Variants in KCNAB1 observed in about 807,000 individuals in gnomAD.
KCNAB1 encodes voltage-gated potassium channel subunit beta-1.
A neutral mutation model predicts 64.6 loss-of-function variants in KCNAB1; 35 were observed. The observed-to-expected ratio is 0.54, with a 90% CI of 0.41 to 0.72. KCNAB1 has a LOEUF of 0.72. Among genes scored for constraint, KCNAB1 ranks in the 30% least tolerant of loss-of-function variants. The probability of loss-of-function intolerance (pLI) is 0.00; values close to 1 mark genes in which losing one functional copy is unlikely to be tolerated. For synonymous variants in KCNAB1, 177 were observed against 183.8 expected (o/e 0.96, Z 0.30); for missense variants, 401 against 512.9 (o/e 0.78, Z 2.11).
chr3:156,276,611 AT>A (rs1719360650), intron 1 of KCNAB1, among the ~76,000 whole-genome samples: 1 of 152,188 alleles, frequency 6.6e-6, no homozygotes, highest in Non-Finnish European at 1.5e-5. Context: ...TGTAGCTTCT[AT>A]TTAGTACTTA....
At chr3:156,531,643 T>G in intron 13 of KCNAB1, 146 bp downstream of exon 13, 3 of 684,430 alleles carry the variant, frequency 4.4e-6, no homozygotes, top group East Asian at 2.6e-5. Flanking sequence ...TCCCAGTACA[T>G]GGATCCAGGG....
intron 1 of KCNAB1, among the ~76,000 whole-genome samples, chr3:156,318,247 A>G (rs1722419086): frequency 6.6e-6 from 1 of 152,198 alleles, no homozygotes; most frequent in East Asian, 1.9e-4. Context: ...TCTATAACAT[A>G]CTTGAAAATA....
intron 1 of KCNAB1, among the ~76,000 whole-genome samples, chr3:156,122,528 T>C (rs1218368719): frequency 6.6e-6 from 1 of 152,232 alleles, no homozygotes; most frequent in African/African-American, 2.4e-5. Context: ...TCTGCTCTTT[T>C]CTGCTTCACT....
intron 4 of KCNAB1, among the ~76,000 whole-genome samples, chr3:156,457,939 A>G (rs1272098632): frequency 2.6e-5 from 4 of 152,208 alleles, no homozygotes; most frequent in Non-Finnish European, 5.9e-5. Context: ...TCATAACCAT[A>G]TCTCATAGTT....
intron 1 of KCNAB1, among the ~76,000 whole-genome samples, chr3:156,393,457 T>C (rs963466781): frequency 2.6e-5 from 4 of 152,160 alleles, no homozygotes; most frequent in Non-Finnish European, 4.4e-5. Context: ...ACTTCTTCTG[T>C]ATACCCTTCT....
chr3:156,135,704 T>C (rs1240086858), intron 1 of KCNAB1, among the ~76,000 whole-genome samples: 2 of 152,188 alleles, frequency 1.3e-5, no homozygotes, highest in Non-Finnish European at 2.9e-5. Context: ...GCTTTTGTAG[T>C]TGAGATTTAC....
In KCNAB1 at chr3:156,459,586, G is replaced by A. The variant is rs991902250; in HGVS notation, c.438-241G>A. Among the ~76,000 whole-genome samples, 3 of 151,962 alleles carry A rather than the reference G, an allele frequency of 2.0e-5. No individual in the cohort carries two copies. In the East Asian group the frequency reaches 5.8e-4, roughly 29 times the overall value. The stretch of plus-strand genomic sequence containing the variant: ...AATGACTGCTGCTGCTTAGTATCAG[G>A]ACTGCAGGCGGTCTCCTGCCAGCGT... On this transcript the variant is annotated intron_variant, in intron 4 of 13. Transcript: ENST00000490337.
intron 1 of KCNAB1, among the ~76,000 whole-genome samples, chr3:156,275,489 G>T (rs1164010164): frequency 6.6e-6 from 1 of 152,128 alleles, no homozygotes; most frequent in African/African-American, 2.4e-5. Flanking sequence ...TTCCTTTCAT[G>T]AAAGTGTTCT....
At position 156,120,631 on chromosome 3, in the gene KCNAB1, G is replaced by A; in HGVS notation, c.20G>A (p.Gly7Glu). Reference sequence around the variant, plus strand: ...TCCACGATGCTGGCAGCCCGGACAGGGGCAGCGGGGAGTCAGATCTCAGAG... The same window carrying A: ...TCCACGATGCTGGCAGCCCGGACAGAGGCAGCGGGGAGTCAGATCTCAGAG... MLAART[G>E]AAGSQISEEN... Residue 7 changes from glycine to glutamate, a missense_variant, in exon 1 of 14, where the codon GGG becomes GAG. Gly to Glu is a moderately conservative substitution (Grantham distance 98, BLOSUM62 -2). Coordinates refer to ENST00000490337, the MANE Select transcript of KCNAB1 (RefSeq NM_172160.3). 1 of 1,614,206 alleles carries A rather than the reference G, an allele frequency of 6.2e-7. No individual in the cohort carries two copies. Among genetic ancestry groups the A allele is most frequent in the Non-Finnish European group, 8.5e-7 (1 of 1,180,024 alleles).
intron 1 of KCNAB1, among the ~76,000 whole-genome samples, chr3:156,308,823 T>A (rs1721685594): frequency 6.6e-6 from 1 of 152,236 alleles, no homozygotes; most frequent in Non-Finnish European, 1.5e-5. Context: ...TTTGTCATCA[T>A]GTTTCTTTGT....
intron 1 of KCNAB1, among the ~76,000 whole-genome samples, chr3:156,361,802 G>C (rs748136055): frequency 5.0e-4 from 76 of 152,062 alleles, no homozygotes; most frequent in Non-Finnish European, 9.7e-4. Flanking sequence ...GGGAGTACAG[G>C]CTCATGCCAC....
chr3:156,377,521 A>G (rs917518476), intron 1 of KCNAB1, among the ~76,000 whole-genome samples: 1 of 152,172 alleles, frequency 6.6e-6, no homozygotes, highest in East Asian at 1.9e-4. Flanking sequence ...GGCACTGAGG[A>G]AATCCAGGCT....
intron 1 of KCNAB1, among the ~76,000 whole-genome samples, chr3:156,150,393 T>C (rs1031372658): frequency 6.6e-6 from 1 of 152,214 alleles, no homozygotes; most frequent in African/African-American, 2.4e-5. Flanking sequence ...TCAATCTGTT[T>C]TGAAATTTCC....
rs376126273 is a variant in KCNAB1 at position 156,389,390 on chromosome 3, G to A, written c.276-32226G>A. Among the ~76,000 whole-genome samples the A allele has an allele frequency of 2.0e-5, 3 of 152,206 alleles. No individual in the cohort carries two copies. The East Asian group carries it at 5.8e-4, about 29-fold the overall frequency. On this transcript the variant is annotated intron_variant, in intron 1 of 13. Coordinates refer to ENST00000490337, the MANE Select transcript of KCNAB1 (RefSeq NM_172160.3). ...TGTCCTACTCTCACCCCAGCAAGAA[G>A]TCAATTAGAGGAACAAGCAAGTCTG...
chr3:156,285,077 A>G (rs1720021565), intron 1 of KCNAB1, among the ~76,000 whole-genome samples: 1 of 152,224 alleles, frequency 6.6e-6, no homozygotes, highest in South Asian at 2.1e-4. Context: ...GCGTGAGTTT[A>G]AAAAGATTCT....
intron 1 of KCNAB1, among the ~76,000 whole-genome samples, chr3:156,327,826 G>A (rs142989375): frequency 9.2e-4 from 140 of 152,208 alleles, no homozygotes; most frequent in African/African-American, 3.2e-3. Flanking sequence ...CCAGATAGGT[G>A]GCTTTCTTCA....
chr3:156,400,708 A>G (rs911661211), intron 1 of KCNAB1, among the ~76,000 whole-genome samples: 4 of 152,140 alleles, frequency 2.6e-5, no homozygotes, highest in African/African-American at 9.7e-5. Context: ...TCTTGTTTAG[A>G]TTTGGCTGTC....
At chr3:156,121,015 C>G in intron 1 of KCNAB1, 129 bp downstream of exon 1, 1 of 1,061,610 alleles carries the variant, frequency 9.4e-7, no homozygotes, top group South Asian at 1.6e-5. Flanking sequence ...ATGATTGGCA[C>G]TTCAGAATGT....
Position 156,288,437 on chromosome 3 carries a change from TC to T in KCNAB1, c.276-133176del. Among the ~76,000 whole-genome samples, 2 of 152,358 alleles carry T rather than the reference TC, an allele frequency of 1.3e-5. 1 individual carries two copies. Among genetic ancestry groups the T allele is most frequent in the Middle Eastern group, 6.8e-3 (2 of 294 alleles). On this transcript the variant is annotated intron_variant, in intron 1 of 13. Coordinates refer to ENST00000490337, the MANE Select transcript of KCNAB1 (RefSeq NM_172160.3). ...CTGAAATGATAGCAGTGAAGACTCT[TC>T]CCAATCTTATGATGTGACAATGAAA...
Sources: gnomAD v4.1 joint callset for allele counts (sites outside exome capture counted in the v4.1 genomes callset) on GRCh38, gnomAD v4.1.1 for gene constraint, MANE v1.5 for transcripts, NCBI Gene and HGNC (gene_info 2026-07-23, HGNC 2026-07-21) for gene names.